TRAK1: variants seen among roughly 807,000 people sequenced by gnomAD.
TRAK1 encodes the protein trafficking kinesin-binding protein 1.
Under a neutral mutation model 92.1 loss-of-function variants are expected in TRAK1, and 33 were observed. That is an observed-to-expected ratio of 0.36 (90% confidence interval 0.27 to 0.48). TRAK1 has a LOEUF of 0.48. TRAK1 is among the 20% of genes least tolerant of loss of function. The pLI is 0.99. For synonymous variants in TRAK1, 521 were observed against 517.3 expected, an observed-to-expected ratio of 1.01 and a Z score of -0.10; for missense variants, 1,123 against 1,257.9, an observed-to-expected ratio of 0.89 and a Z score of 1.62.
intron 1 of TRAK1, among the ~76,000 whole-genome samples, chr3:42,074,681 T>G (rs986183288): frequency 2.0e-5 from 3 of 152,130 alleles, no homozygotes; most frequent in Non-Finnish European, 2.9e-5. Flanking sequence ...GACTAGTTTT[T>G]TTTTTTTTTT....
intron 1 of TRAK1, among the ~76,000 whole-genome samples, chr3:42,109,033 G>C (rs1296397584): frequency 1.3e-5 from 2 of 152,138 alleles, no homozygotes; most frequent in African/African-American, 4.8e-5. Context: ...TGGTGGTTAG[G>C]ATTTTGACCT....
At chr3:42,093,883 T>A (rs900911771) in intron 1 of TRAK1, among the ~76,000 whole-genome samples, 2 of 151,418 alleles carry the variant, frequency 1.3e-5, no homozygotes, top group Non-Finnish European at 2.9e-5. Flanking sequence ...TTTGTATTTT[T>A]AGTAGAGACA....
chr3:42,019,650 G>C (rs867857316), intron 1 of TRAK1, among the ~76,000 whole-genome samples: 2 of 152,070 alleles, frequency 1.3e-5, no homozygotes, highest in South Asian at 4.1e-4. Flanking sequence ...CAGTTTTTAA[G>C]TTTTGCAAAA....
intron 2 of TRAK1, among the ~76,000 whole-genome samples, chr3:42,160,701 A>G (rs1373407598): frequency 6.6e-6 from 1 of 151,440 alleles, no homozygotes; most frequent in African/African-American, 2.4e-5. Context: ...GTCCCTTTCT[A>G]GTTTACATCT....
chr3:42,057,283 A>G (rs1226348182), intron 1 of TRAK1, among the ~76,000 whole-genome samples: 2 of 152,186 alleles, frequency 1.3e-5, no homozygotes, highest in Non-Finnish European at 2.9e-5. Flanking sequence ...GTTTTGTGCA[A>G]TTGTTTTCTC....
At chr3:42,188,538 C>A (rs961551239) in intron 5 of TRAK1, among the ~76,000 whole-genome samples, 15 of 152,192 alleles carry the variant, frequency 9.9e-5, no homozygotes, top group Non-Finnish European at 1.3e-4. Context: ...ATGTTGGGAG[C>A]ATGAACTCCA....
At chr3:42,092,711 G>GTTATGTTATGTTATGTTATGTTA (rs1705247688) in intron 1 of TRAK1, among the ~76,000 whole-genome samples, 1 of 101,068 alleles carries the variant, frequency 9.9e-6, no homozygotes, top group African/African-American at 3.2e-5. Flanking sequence ...GTGTTGTGTT[G>GTTATGTTATGTTATGTTATGTTA]TGTTATGTTA....
chr3:42,047,200 CTTTTTTTTTTTTTT>C (rs561224807), intron 1 of TRAK1, among the ~76,000 whole-genome samples: 1 of 107,154 alleles, frequency 9.3e-6, no homozygotes, highest in Non-Finnish European at 1.9e-5. Flanking sequence ...AAAAACTGAT[CTTTTTTTTTTTTTT>C]TTTTTTTTTT....
intron 1 of TRAK1, among the ~76,000 whole-genome samples, chr3:42,041,348 C>G (rs535297062): frequency 2.6e-5 from 4 of 151,818 alleles, no homozygotes; most frequent in Non-Finnish European, 4.4e-5. Context: ...GAATTTATAC[C>G]TAAGTATTTT....
rs1007884707 is a variant in TRAK1 at position 42,225,822 on chromosome 3, A to G, written c.*2085A>G. On this transcript the variant is annotated 3_prime_UTR_variant, in exon 16 of 16. Transcript: ENST00000327628. ...TTGTTTTTATCTTTTCATCAAGGAG[A>G]CGATCTCTTTATGTAAGACTTGAAA... The G allele has an allele frequency of 6.6e-6, 1 of 152,170 alleles. No individual in the cohort carries two copies. Among genetic ancestry groups the G allele is most frequent in the African/African-American group, 2.4e-5 (1 of 41,438 alleles). 9.4% of individuals were successfully genotyped at this position (152,170 alleles called of 1,614,324 possible). A position where few individuals can be genotyped will look rare whatever the true frequency, so the allele number is the denominator to read the frequency against.
intron 1 of TRAK1, among the ~76,000 whole-genome samples, chr3:42,063,309 G>C (rs1241091192): frequency 6.6e-6 from 1 of 152,256 alleles, no homozygotes; most frequent in African/African-American, 2.4e-5. Context: ...ATTGCTGAAG[G>C]AGCATCCGGG....
At chr3:42,079,222 G>A (rs1704308821) in intron 1 of TRAK1, among the ~76,000 whole-genome samples, 1 of 152,318 alleles carries the variant, frequency 6.6e-6, no homozygotes, top group African/African-American at 2.4e-5. Context: ...TAATCCCGGA[G>A]AACAATTAGT....
chr3:42,188,321 C>G (rs192079383), intron 5 of TRAK1, among the ~76,000 whole-genome samples, 176 bp downstream of exon 5: 4 of 152,196 alleles, frequency 2.6e-5, no homozygotes, highest in African/African-American at 9.6e-5. Flanking sequence ...ACTATTTTAG[C>G]GGGATATGGA....
intron 2 of TRAK1, chr3:42,149,433 T>C (rs1699702551): frequency 1.3e-6 from 2 of 1,514,684 alleles, no homozygotes; most frequent in East Asian, 4.9e-5. Context: ...TTTCGGGATA[T>C]TCTTCTGTCC....
At chr3:42,038,833 A>C (rs1444809533) in intron 1 of TRAK1, among the ~76,000 whole-genome samples, 1 of 138,582 alleles carries the variant, frequency 7.2e-6, no homozygotes, top group Admixed American at 7.3e-5. Flanking sequence ...TGGTAGAGAC[A>C]GTCTCCCTAT....
At chr3:42,186,805 A>T (rs552984373) in intron 4 of TRAK1, among the ~76,000 whole-genome samples, 1 of 151,912 alleles carries the variant, frequency 6.6e-6, no homozygotes, top group African/African-American at 2.4e-5. Context: ...TCCCTTTGGC[A>T]TATTATTAAA....
In TRAK1 at chr3:42,189,720, G is replaced by A. The variant is rs541372622; in HGVS notation, c.690+596G>A. Among the ~76,000 whole-genome samples, 4 of 152,106 alleles carry A rather than the reference G, an allele frequency of 2.6e-5. No individual in the cohort carries two copies. In the South Asian group the frequency reaches 8.3e-4, roughly 32 times the overall value. ...TAATTTTTGTATTTTTAGTAGAGAC[G>A]AGGTTTCACCATACTGGTCAGGCTG... On this transcript the variant is annotated intron_variant, in intron 6 of 15. Transcript: ENST00000327628.
chr3:42,059,595 C>A (rs80042369), intron 1 of TRAK1, among the ~76,000 whole-genome samples: 1 of 151,998 alleles, frequency 6.6e-6, no homozygotes, highest in Non-Finnish European at 1.5e-5. Flanking sequence ...CAAGAATATA[C>A]GTGACAGGTC....
chr3:42,203,965 T>C (rs1708025147), intron 13 of TRAK1: 1 of 985,758 alleles, frequency 1.0e-6, no homozygotes, highest in South Asian at 4.7e-5. Flanking sequence ...GTTGTGCTTG[T>C]TAAAGACCCA....
Sources: allele counts gnomAD v4.1 joint callset (sites outside exome capture counted in the v4.1 genomes callset), GRCh38; gene constraint gnomAD v4.1.1; transcripts MANE v1.5; gene names NCBI Gene and HGNC (gene_info 2026-07-23, HGNC 2026-07-21).